SP3: variants seen among roughly 807,000 people sequenced by gnomAD.
SP3 encodes transcription factor Sp3.
SP3 carries 10 observed loss-of-function variants against 70.3 expected under a neutral mutation model. That is an observed-to-expected ratio of 0.14 (90% CI 0.09 to 0.24). The LOEUF (loss-of-function observed/expected upper bound fraction) is 0.24, where lower values mean the gene tolerates loss of function less well. Among genes scored for constraint, SP3 ranks in the 10% least tolerant of loss-of-function variants. SP3 has a pLI of 1.00. For missense variants in SP3, 825 were observed against 914.6 expected (o/e 0.90, Z 1.26); for synonymous variants, 402 against 333.5 (o/e 1.21, Z -2.24).
chr2:173,953,092 A>G (rs1291046147), intron 4 of SP3, among the ~76,000 whole-genome samples: 4 of 152,350 alleles, frequency 2.6e-5, no homozygotes, highest in African/African-American at 9.6e-5. Flanking sequence ...TGCAGCCCTC[A>G]AGGGTCAAGA....
At chr2:173,961,574 CATT>C (rs1477561856) in intron 3 of SP3, among the ~76,000 whole-genome samples, 2 of 152,180 alleles carry the variant, frequency 1.3e-5, no homozygotes, top group Non-Finnish European at 2.9e-5. Context: ...AATGTATCAT[CATT>C]ATCCTAACAT....
intron 1 of SP3, chr2:173,964,911 G>A (rs1381837794): frequency 1.7e-5 from 9 of 518,292 alleles, no homozygotes; most frequent in Non-Finnish European, 3.0e-5. Context: ...CCCGCACACA[G>A]GGGGATGCGC....
At chr2:173,964,789 C>T in intron 1 of SP3, 1 of 454,312 alleles carries the variant, frequency 2.2e-6, no homozygotes, top group Non-Finnish European at 3.9e-6. Context: ...TCCTCCTCCT[C>T]CCCGCGCTGC....
intron 3 of SP3, among the ~76,000 whole-genome samples, chr2:173,959,473 C>A (rs1046343544): frequency 6.6e-6 from 1 of 152,156 alleles, no homozygotes; most frequent in Admixed American, 6.5e-5. Flanking sequence ...CGCCTGTAAT[C>A]CTAGCACTGT....
chr2:173,960,534 C>A (rs543627439), intron 3 of SP3, among the ~76,000 whole-genome samples: 1 of 152,316 alleles, frequency 6.6e-6, no homozygotes, highest in African/African-American at 2.4e-5. Context: ...ACAATGACAG[C>A]ACAGGTCTTA....
chr2:173,932,253 G>A (rs942975038), intron 4 of SP3, among the ~76,000 whole-genome samples: 15 of 152,128 alleles, frequency 9.9e-5, no homozygotes, highest in East Asian at 5.8e-4. Flanking sequence ...GTACAATGGC[G>A]TGATCTCAGC....
chr2:173,910,464 G>A (rs1384792305), intron 6 of SP3, among the ~76,000 whole-genome samples: 1 of 151,996 alleles, frequency 6.6e-6, no homozygotes, highest in Non-Finnish European at 1.5e-5. Context: ...ACTTTTTGAT[G>A]ACTAGCAGTC....
At position 173,965,317 on chromosome 2, in the gene SP3, CTG is replaced by C. The variant is rs1691260522; in HGVS notation, c.-148_-147del. 13 of 953,960 alleles carry C rather than the reference CTG, an allele frequency of 1.4e-5. No individual in the cohort carries two copies. The highest frequency in any genetic ancestry group is 1.2e-4 in the South Asian group (8 of 65,906). 59.1% of individuals were successfully genotyped at this position (953,960 alleles called of 1,614,324 possible). On this transcript the variant is annotated 5_prime_UTR_variant, in exon 1 of 7. Coordinates refer to ENST00000310015, the MANE Select transcript of SP3 (RefSeq NM_003111.5). Reference sequence around the variant, plus strand: ...GATTTTTTTTTCCTATTTTGATTGACTGTGCGGGAAACACAAAAGGTGGAGCC... The same window carrying C: ...GATTTTTTTTTCCTATTTTGATTGACTGCGGGAAACACAAAAGGTGGAGCC...
chr2:173,946,785 A>C (rs1286889048), intron 4 of SP3, among the ~76,000 whole-genome samples: 1 of 150,106 alleles, frequency 6.7e-6, no homozygotes, highest in Non-Finnish European at 1.5e-5. Flanking sequence ...GCAGTGGCAC[A>C]ATCACAGCTC....
intron 4 of SP3, among the ~76,000 whole-genome samples, chr2:173,930,688 T>G (rs1419348121): frequency 6.6e-6 from 1 of 152,226 alleles, no homozygotes; most frequent in Non-Finnish European, 1.5e-5. Context: ...CTCTGCATCG[T>G]CATGTTTCTA....
intron 3 of SP3, among the ~76,000 whole-genome samples, chr2:173,960,242 A>G (rs1294050432): frequency 6.6e-6 from 1 of 152,252 alleles, no homozygotes; most frequent in Non-Finnish European, 1.5e-5. Flanking sequence ...AGGCACTCTA[A>G]GTCTCTCTAC....
chr2:173,964,228 C>T (rs1204501212), intron 2 of SP3, 177 bp downstream of exon 2: 4 of 474,306 alleles, frequency 8.4e-6, no homozygotes, highest in African/African-American at 2.1e-5. Flanking sequence ...GGCGGGGCGG[C>T]GCGGGCGGGG....
chr2:173,921,530 A>AAAACAAACAAACAAAC (rs57470941), intron 4 of SP3, among the ~76,000 whole-genome samples: 4 of 149,944 alleles, frequency 2.7e-5, no homozygotes, highest in Non-Finnish European at 5.9e-5. Context: ...TCACTATCCA[A>AAAACAAACAAACAAAC]AAACAAACAA....
chr2:173,914,304 C>T (rs918614505), intron 5 of SP3: 2 of 151,970 alleles, frequency 1.3e-5, no homozygotes, highest in African/African-American at 4.8e-5. Context: ...TTAGCCCCCT[C>T]CCCAACTCCC....
intron 5 of SP3, chr2:173,913,578 A>T (rs1173631007): frequency 2.9e-5 from 5 of 171,094 alleles, no homozygotes; most frequent in Non-Finnish European, 6.2e-5. Context: ...TTCTTCTATC[A>T]GAACCATTCA....
At chr2:173,963,933 G>C (rs773177778) in intron 2 of SP3, 50 bp from the exon 3 acceptor site, 5 of 1,317,496 alleles carry the variant, frequency 3.8e-6, no homozygotes, top group Non-Finnish European at 5.0e-6. Context: ...AGGGGGTGGC[G>C]GTTAGGGTCG....
intron 4 of SP3, among the ~76,000 whole-genome samples, chr2:173,922,116 A>C (rs1020593683): frequency 6.6e-6 from 1 of 151,544 alleles, no homozygotes; most frequent in Non-Finnish European, 1.5e-5. Flanking sequence ...GAATGGCCTG[A>C]CACAGTCTTA....
At position 173,964,573 on chromosome 2, in the gene SP3, G is replaced by T. The variant is rs748419309; in HGVS notation, c.8-20C>A. On this transcript the variant is annotated intron_variant, in intron 1 of 6. Transcript: ENST00000310015. ...CGGGAGCTGCAGGCACAGCGCGGGG[G>T]GGTGGGGGTGGGGAGGAAGGCGGGT... 5.9e-6 allele frequency: 4 copies of T among 676,570 alleles called. No individual in the cohort carries two copies. The South Asian group carries it at 6.1e-5, about 10-fold the overall frequency. The allele number at this position is 676,570 out of a possible 1,614,324, so 41.9% of individuals were successfully genotyped here.
At chr2:173,952,569 C>T (rs1272387856) in intron 4 of SP3, among the ~76,000 whole-genome samples, 2 of 152,096 alleles carry the variant, frequency 1.3e-5, no homozygotes, top group Non-Finnish European at 2.9e-5. Flanking sequence ...GGTACATACC[C>T]AAAAGAAAAC....
Sources: allele counts gnomAD v4.1 joint callset (sites outside exome capture counted in the v4.1 genomes callset), GRCh38; gene constraint gnomAD v4.1.1; transcripts MANE v1.5; gene names NCBI Gene and HGNC (gene_info 2026-07-23, HGNC 2026-07-21).